Variants in LDOC1 observed in about 807,000 individuals in gnomAD.
LDOC1 encodes the protein protein LDOC1.
A neutral mutation model predicts 4.9 loss-of-function variants in LDOC1; 1 was observed. The observed-to-expected ratio is 0.20, with a 90% CI of 0.07 to 0.96. The LOEUF (loss-of-function observed/expected upper bound fraction) is 0.96. LDOC1 is among the 40% of genes least tolerant of loss of function. The pLI, the probability that LDOC1 is intolerant of heterozygous loss-of-function variation, is 0.62. For missense variants in LDOC1, 76 were observed against 128.1 expected (o/e 0.59, Z 1.96); for synonymous variants, 55 against 58.3 (o/e 0.94, Z 0.26).
chrX:141,176,058 G>A lies in LDOC1; in HGVS notation c.*523C>T, dbSNP rs1556283297. 2 of 121,590 alleles carry A rather than the reference G, an allele frequency of 1.6e-5. No homozygotes were observed. The highest frequency in any genetic ancestry group is 1.6e-4 in the Admixed American group (2 of 12,482). 10.0% of individuals were successfully genotyped at this position (121,590 alleles called of 1,213,427 possible). ...GAACGGCCCCTTCAGGGGTTGGTGAGCTGTCCAAATCAATGTCTGAAAAGG... is the reference window on the plus strand; with the variant it reads ...GAACGGCCCCTTCAGGGGTTGGTGAACTGTCCAAATCAATGTCTGAAAAGG... On this transcript the variant is annotated 3_prime_UTR_variant, in exon 1 of 1. Coordinates refer to ENST00000370526, the MANE Select transcript of LDOC1 (RefSeq NM_012317.4).
In LDOC1 at chrX:141,176,911, C is replaced by T. The variant is rs1556283559; in HGVS notation, c.111G>A (p.Arg37=). The T allele has an allele frequency of 8.3e-7, 1 of 1,211,644 alleles. No individual in the cohort carries two copies. The highest frequency in any genetic ancestry group is 1.1e-6 in the Non-Finnish European group (1 of 895,440). ...MEQLRLLVCE[R]ASLLRQVRPP... ...GACGTACCTGGCGCAGCAGGCTGGC[C>T]CTCTCGCACACCAGCAGCCGCAGCT... is the stretch of plus-strand genomic sequence containing the variant. The change falls in exon 1 of 1, where the codon AGG becomes AGA. Residue 37 remains arginine (R), a synonymous_variant. Coordinates refer to ENST00000370526, the MANE Select transcript of LDOC1 (RefSeq NM_012317.4).
chrX:141,175,069 A>G lies in LDOC1; in HGVS notation c.*1512T>C, dbSNP rs781865014. On this transcript the variant is annotated 3_prime_UTR_variant, in exon 1 of 1. Coordinates refer to ENST00000370526, the MANE Select transcript of LDOC1 (RefSeq NM_012317.4). ...AGAGATCTCAGCATAGCCCCTAGAT[A>G]GCAGTACAAGGTCTGATTTAAGAGA... is the stretch of plus-strand genomic sequence containing the variant. 4.5e-5 allele frequency among the ~76,000 whole-genome samples: 5 copies of G among 111,924 alleles called. No individual in the cohort carries two copies. The highest frequency in any genetic ancestry group is 7.5e-5 in the Non-Finnish European group (4 of 53,219).
Position 141,176,263 on chromosome X carries a change from C to T in LDOC1, c.*318G>A, listed in dbSNP as rs1385859020. 9.0e-6 allele frequency: 3 copies of T among 332,214 alleles called. No individual in the cohort carries two copies. The highest frequency in any genetic ancestry group is 2.6e-5 in the African/African-American group (1 of 38,328). 27.4% of individuals were successfully genotyped at this position (332,214 alleles called of 1,213,427 possible). The stretch of plus-strand genomic sequence containing the variant: ...GGTCTGCGCAGTTTGTAACAGGGGC[C>T]TGGCCAATAGCTGGGGTTCAGGACA... On this transcript the variant is annotated 3_prime_UTR_variant, in exon 1 of 1. Transcript: ENST00000370526.
At position 141,175,474 on chromosome X, in the gene LDOC1, C is replaced by T. The variant is rs781908000; in HGVS notation, c.*1107G>A. 8.9e-6 allele frequency among the ~76,000 whole-genome samples: 1 copy of T among 112,147 alleles called. No homozygotes were observed. The highest frequency in any genetic ancestry group is 2.8e-4 in the East Asian group (1 of 3,550). On this transcript the variant is annotated 3_prime_UTR_variant, in exon 1 of 1. Transcript: ENST00000370526. ...TATTGTTATGGTCTAATTATTAATA[C>T]TGCTCTCTTTGCCGTCTGCTCAGCC...
In LDOC1 at chrX:141,175,386, T is replaced by G. The variant is rs897260857; in HGVS notation, c.*1195A>C. Among the ~76,000 whole-genome samples, 1 of 112,043 alleles carries G rather than the reference T, an allele frequency of 8.9e-6. No homozygotes were observed. The highest frequency in any genetic ancestry group is 1.9e-5 in the Non-Finnish European group (1 of 53,208). On this transcript the variant is annotated 3_prime_UTR_variant, in exon 1 of 1. Coordinates refer to ENST00000370526, the MANE Select transcript of LDOC1 (RefSeq NM_012317.4). ...AAGGGGCAGAACTTCCCTGGCACAG[T>G]GTTAAGGAATCCAAAAGCTCAGAGA...
chrX:141,177,073 G>T lies in LDOC1; in HGVS notation c.-52C>A. On this transcript the variant is annotated 5_prime_UTR_variant, in exon 1 of 1. Coordinates refer to ENST00000370526, the MANE Select transcript of LDOC1 (RefSeq NM_012317.4). ...CGGCTCGGTTCGGCTCGGCCAAGGT[G>T]CGCACGGAGCCCTCGCAGGAAGTGC... 1 of 980,272 alleles carries T rather than the reference G, an allele frequency of 1.0e-6. No homozygotes were observed. Among genetic ancestry groups the T allele is most frequent in the Non-Finnish European group, 1.3e-6 (1 of 755,694 alleles). 80.8% of individuals were successfully genotyped at this position (980,272 alleles called of 1,213,427 possible). A position where few individuals can be genotyped will look rare whatever the true frequency, so the allele number is the denominator to read the frequency against.
chrX:141,176,847 C>T lies in LDOC1; in HGVS notation c.175G>A (p.Gly59Ser). The T allele has an allele frequency of 1.7e-6, 2 of 1,211,942 alleles. No individual in the cohort carries two copies. The highest frequency in any genetic ancestry group is 2.2e-6 in the Non-Finnish European group (2 of 895,560). ...CPVPFPETFNGESSRLPEFIV... is the reference protein window; with the variant it reads ...CPVPFPETFNSESSRLPEFIV... ...AACTCGGGGAGCCGGGAGCTCTCGC[C>T]ATTAAACGTTTCGGGGAAGGGCACC... is the stretch of plus-strand genomic sequence containing the variant. Residue 59 changes from glycine to serine, a missense_variant, in exon 1 of 1, where the codon GGC becomes AGC. Coordinates refer to ENST00000370526, the MANE Select transcript of LDOC1 (RefSeq NM_012317.4).
rs1556282557 is a variant in LDOC1 at position 141,173,664 on chromosome X, CAT to C, written c.*2915_*2916del. ...CACACATACTGGGTCACAGCAAGCT[CAT>C]GTGCACATGCACACATACTCAGGAA... On this transcript the variant is annotated 3_prime_UTR_variant, in exon 1 of 1. Coordinates refer to ENST00000370526, the MANE Select transcript of LDOC1 (RefSeq NM_012317.4). 8.9e-6 allele frequency: 1 copy of C among 112,296 alleles called. No homozygotes were observed. The highest frequency in any genetic ancestry group is 3.2e-5 in the African/African-American group (1 of 30,858). 9.3% of individuals were successfully genotyped at this position (112,296 alleles called of 1,213,427 possible).
Position 141,174,973 on chromosome X carries a change from A to G in LDOC1, c.*1608T>C, listed in dbSNP as rs965832716. Among the ~76,000 whole-genome samples the G allele has an allele frequency of 9.0e-6, 1 of 111,642 alleles. No individual in the cohort carries two copies. Among genetic ancestry groups the G allele is most frequent in the East Asian group, 2.8e-4 (1 of 3,524 alleles). ...ACATTTCAATGACTTAACCTGGAGC[A>G]ATGGCCTCACACAGGTATGCAGCTT... On this transcript the variant is annotated 3_prime_UTR_variant, in exon 1 of 1. Coordinates refer to ENST00000370526, the MANE Select transcript of LDOC1 (RefSeq NM_012317.4).
chrX:141,176,948 T>C lies in LDOC1; in HGVS notation c.74A>G (p.Gln25Arg). The C allele has an allele frequency of 8.3e-7, 1 of 1,211,214 alleles. No homozygotes were observed. Among genetic ancestry groups the C allele is most frequent in the South Asian group, 1.8e-5 (1 of 56,899 alleles). Residue 25 changes from glutamine (Q) to arginine (R), a missense_variant, in exon 1 of 1, where the codon CAG (glutamine) becomes CGG (arginine). Gln to Arg is a conservative substitution (Grantham distance 43). Transcript: ENST00000370526. ...CAGCAGCCGCAGCTGTTCCATGAGC[T>C]GGCTGTTCTCGATGCTCAGGGCGCG... ...RHRALSIENS[Q>R]LMEQLRLLVC...
chrX:141,177,054 G>A lies in LDOC1; in HGVS notation c.-33C>T, dbSNP rs2013625108. 8.5e-7 allele frequency: 1 copy of A among 1,173,670 alleles called. No homozygotes were observed. The highest frequency in any genetic ancestry group is 1.1e-6 in the Non-Finnish European group (1 of 873,948). ...GGCCTGGAAGGACAGGACTCGGCTC[G>A]GTTCGGCTCGGCCAAGGTGCGCACG... On this transcript the variant is annotated 5_prime_UTR_variant, in exon 1 of 1. Transcript: ENST00000370526.
chrX:141,175,281 T>C lies in LDOC1; in HGVS notation c.*1300A>G, dbSNP rs1556282987. On this transcript the variant is annotated 3_prime_UTR_variant, in exon 1 of 1. Coordinates refer to ENST00000370526, the MANE Select transcript of LDOC1 (RefSeq NM_012317.4). ...GCACCTGAAAGTGACATGTTGGCTATTTGGAGTTTGAAAGTGACAATCTAC... is the reference window on the plus strand; with the variant it reads ...GCACCTGAAAGTGACATGTTGGCTACTTGGAGTTTGAAAGTGACAATCTAC... Among the ~76,000 whole-genome samples, 1 of 111,806 alleles carries C rather than the reference T, an allele frequency of 8.9e-6. No individual in the cohort carries two copies. The highest frequency in any genetic ancestry group is 3.3e-5 in the African/African-American group (1 of 30,714).
Position 141,174,479 on chromosome X carries a change from T to C in LDOC1, c.*2102A>G, listed in dbSNP as rs1175738043. Among the ~76,000 whole-genome samples, 10 of 111,928 alleles carry C rather than the reference T, an allele frequency of 8.9e-5. No homozygotes were observed. The highest frequency in any genetic ancestry group is 3.3e-4 in the African/African-American group (10 of 30,761). On this transcript the variant is annotated 3_prime_UTR_variant, in exon 1 of 1. Coordinates refer to ENST00000370526, the MANE Select transcript of LDOC1 (RefSeq NM_012317.4). ...TAAATGGGGTCTTATCATGCTCTCA[T>C]TTCCATTCTCCCTGAACCTGCTCTG...
chrX:141,176,492 G>A lies in LDOC1; in HGVS notation c.*89C>T, dbSNP rs986018679. On this transcript the variant is annotated 3_prime_UTR_variant, in exon 1 of 1. Coordinates refer to ENST00000370526, the MANE Select transcript of LDOC1 (RefSeq NM_012317.4). ...GGTAAGGGGACCGGAGGGCAAGGGG[G>A]AGAGCAGTGGCTCCTGGCGGGGTGA... The A allele has an allele frequency of 7.3e-6, 8 of 1,098,330 alleles. No homozygotes were observed. The highest frequency in any genetic ancestry group is 3.2e-4 in the Middle Eastern group (1 of 3,135). 90.5% of individuals were successfully genotyped at this position (1,098,330 alleles called of 1,213,427 possible).
chrX:141,176,593 C>T lies in LDOC1; in HGVS notation c.429G>A (p.Glu143=). The T allele has an allele frequency of 8.3e-7, 1 of 1,209,354 alleles. No homozygotes were observed. Among genetic ancestry groups the T allele is most frequent in the Non-Finnish European group, 1.1e-6 (1 of 893,919 alleles). ...DDEDDDDEEE[E]DDY ...GAGGGTCGAGGGCCTAATAATCATC[C>T]TCCTCTTCTTCGTCGTCGTCGTCTT... Residue 143 remains glutamate (E), a synonymous_variant, in exon 1 of 1, where the codon GAG becomes GAA. Coordinates refer to ENST00000370526, the MANE Select transcript of LDOC1 (RefSeq NM_012317.4).
chrX:141,174,636 G>C lies in LDOC1; in HGVS notation c.*1945C>G, dbSNP rs1412889392. ...GAGTGCTCACCATGTAGCAGGGAAA[G>C]TTCTAAATGCTTCATGGGTATGATC... On this transcript the variant is annotated 3_prime_UTR_variant, in exon 1 of 1. Transcript: ENST00000370526. Among the ~76,000 whole-genome samples the C allele has an allele frequency of 3.6e-5, 4 of 111,885 alleles. No individual in the cohort carries two copies. Among genetic ancestry groups the C allele is most frequent in the African/African-American group, 1.3e-4 (4 of 30,771 alleles).
rs2013598888 is a variant in LDOC1, at chrX:141,174,735, G to C, written c.*1846C>G. ...ATTTAATCAACACTGAGGTTTACCA[G>C]TACAAATACAATATCTTGCCTCAAA... On this transcript the variant is annotated 3_prime_UTR_variant, in exon 1 of 1. Transcript: ENST00000370526. Among the ~76,000 whole-genome samples, 1 of 112,384 alleles carries C rather than the reference G, an allele frequency of 8.9e-6. No homozygotes were observed. The highest frequency in any genetic ancestry group is 2.8e-4 in the East Asian group (1 of 3,579).
chrX:141,176,462 G>A lies in LDOC1; in HGVS notation c.*119C>T. 3.4e-6 allele frequency: 3 copies of A among 877,627 alleles called. No homozygotes were observed. In the South Asian group the frequency reaches 7.6e-5, roughly 22 times the overall value. The allele number at this position is 877,627 out of a possible 1,213,427, so 72.3% of individuals were successfully genotyped here. A position where few individuals can be genotyped will look rare whatever the true frequency, so the allele number is the denominator to read the frequency against. On this transcript the variant is annotated 3_prime_UTR_variant, in exon 1 of 1. Transcript: ENST00000370526. ...ATGAAGAGAGAGAGCAGACGGGCGCGGGTAGGTAAGGGGACCGGAGGGCAA... is the reference window on the plus strand; with the variant it reads ...ATGAAGAGAGAGAGCAGACGGGCGCAGGTAGGTAAGGGGACCGGAGGGCAA...
Position 141,173,932 on chromosome X carries a change from CTG to C in LDOC1, c.*2647_*2648del, listed in dbSNP as rs782505162. On this transcript the variant is annotated 3_prime_UTR_variant, in exon 1 of 1. Coordinates refer to ENST00000370526, the MANE Select transcript of LDOC1 (RefSeq NM_012317.4). The stretch of plus-strand genomic sequence containing the variant: ...CCCAGGGCACAGTAAAAGCAGCAGA[CTG>C]GACTCGCTATGAAGGCAGAGATCAC... Among the ~76,000 whole-genome samples, 4 of 112,093 alleles carry C rather than the reference CTG, an allele frequency of 3.6e-5. No individual in the cohort carries two copies.
Sources: gnomAD v4.1 joint callset for allele counts (sites outside exome capture counted in the v4.1 genomes callset) on GRCh38, gnomAD v4.1.1 for gene constraint, MANE v1.5 for transcripts, NCBI Gene and HGNC (gene_info 2026-07-23, HGNC 2026-07-21) for gene names.